The following ARHGEF33 variants were observed in gnomAD, a reference collection of about 807,000 sequenced individuals.
ARHGEF33 encodes the protein Rho guanine nucleotide exchange factor 33.
ARHGEF33 carries 72 observed loss-of-function variants against 101.9 expected under a neutral mutation model. That is an observed-to-expected ratio of 0.71 (90% CI 0.58 to 0.86). The LOEUF is 0.86. Ranked by LOEUF, ARHGEF33 falls within the 40% of genes least tolerant of loss-of-function variation. The pLI, the probability that ARHGEF33 is intolerant of heterozygous loss-of-function variation, is 0.00. For missense variants in ARHGEF33, 1,169 were observed against 1,111.3 expected, an observed-to-expected ratio of 1.05 and a Z score of -0.74; for synonymous variants, 499 against 442.5, an observed-to-expected ratio of 1.13 and a Z score of -1.60.
chr2:38,952,493 G>A (rs1257034804), intron 11 of ARHGEF33, among the ~76,000 whole-genome samples: 3 of 152,124 alleles, frequency 2.0e-5, no homozygotes, highest in Admixed American at 2.0e-4. Context: ...TCATCTGGAC[G>A]TACATGATTG....
intron 2 of ARHGEF33, among the ~76,000 whole-genome samples, chr2:38,908,079 G>A (rs146838352): frequency 6.0e-4 from 91 of 151,892 alleles, no homozygotes; most frequent in African/African-American, 1.9e-3. Flanking sequence ...TGCCCAGATT[G>A]GTCTTGAACT....
At chr2:38,938,074 A>T (rs867059961) in intron 9 of ARHGEF33, among the ~76,000 whole-genome samples, 31 of 152,168 alleles carry the variant, frequency 2.0e-4, no homozygotes, top group African/African-American at 7.0e-4. Flanking sequence ...AGTCAAATAC[A>T]TGAAAAAAAG....
chr2:38,916,855 C>T (rs1211304465), intron 2 of ARHGEF33, among the ~76,000 whole-genome samples: 1 of 148,732 alleles, frequency 6.7e-6, no homozygotes, highest in Non-Finnish European at 1.5e-5. Context: ...GGCAGGAGTA[C>T]AATGGCACGA....
chr2:38,925,222 C>T (rs1253882038), intron 4 of ARHGEF33, among the ~76,000 whole-genome samples: 4 of 152,028 alleles, frequency 2.6e-5, no homozygotes, highest in Admixed American at 6.6e-5. Context: ...TTCTATTTGG[C>T]GATTCTCTTT....
chr2:38,962,766 G>A (rs1432782419), intron 16 of ARHGEF33, among the ~76,000 whole-genome samples: 6 of 141,298 alleles, frequency 4.2e-5, no homozygotes, highest in South Asian at 2.2e-4. Context: ...CGTAATCCTA[G>A]CACTTTGGGA....
At chr2:38,971,330 T>C (rs1009478285) in intron 17 of ARHGEF33, among the ~76,000 whole-genome samples, 2 of 152,202 alleles carry the variant, frequency 1.3e-5, no homozygotes, top group African/African-American at 2.4e-5. Flanking sequence ...AATACTTGGA[T>C]GGTTATGTGT....
At chr2:38,925,835 C>A in intron 4 of ARHGEF33, among the ~76,000 whole-genome samples, 1 of 152,048 alleles carries the variant, frequency 6.6e-6, no homozygotes, top group East Asian at 1.9e-4. Flanking sequence ...CAGGTCCAGT[C>A]CCCCTAATTT....
intron 4 of ARHGEF33, among the ~76,000 whole-genome samples, chr2:38,925,949 C>A (rs947201652): frequency 1.3e-5 from 2 of 151,388 alleles, no homozygotes; most frequent in Non-Finnish European, 2.9e-5. Flanking sequence ...CCTGAGGGAT[C>A]TTTCATGAAA....
intron 17 of ARHGEF33, among the ~76,000 whole-genome samples, chr2:38,970,597 A>G (rs867426152): frequency 6.6e-6 from 1 of 152,368 alleles, no homozygotes; most frequent in South Asian, 2.1e-4. Context: ...TTTGAAATCA[A>G]CCATTCAATT....
At chr2:38,899,349 G>C (rs760948860) in intron 2 of ARHGEF33, among the ~76,000 whole-genome samples, 2 of 152,084 alleles carry the variant, frequency 1.3e-5, no homozygotes, top group African/African-American at 2.4e-5. Context: ...CTAGTATAAA[G>C]AGTAAAATTG....
At chr2:38,918,485 C>T (rs893363579) in intron 2 of ARHGEF33, among the ~76,000 whole-genome samples, 4 of 152,064 alleles carry the variant, frequency 2.6e-5, no homozygotes, top group Admixed American at 2.6e-4. Context: ...ATTCTTCAAA[C>T]TTAAGAAGGG....
At chr2:38,954,633 C>CTT (rs10706405) in intron 13 of ARHGEF33, among the ~76,000 whole-genome samples, 177 bp downstream of exon 13, 1 of 101,124 alleles carries the variant, frequency 9.9e-6, no homozygotes, top group Non-Finnish European at 2.1e-5. Flanking sequence ...GAGCTAAAAC[C>CTT]TTTTTTTTTT....
At chr2:38,956,810 C>A in intron 13 of ARHGEF33, 89 bp from the exon 14 acceptor site, 1 of 1,428,210 alleles carries the variant, frequency 7.0e-7, no homozygotes, top group Non-Finnish European at 9.6e-7. Flanking sequence ...CTATGAATCT[C>A]CCACAATAGA....
At chr2:38,954,120 A>C (rs964383127) in intron 12 of ARHGEF33, among the ~76,000 whole-genome samples, 1 of 152,240 alleles carries the variant, frequency 6.6e-6, no homozygotes, top group African/African-American at 2.4e-5. Context: ...GCTGAGTGGA[A>C]GGAGAGGGTA....
intron 14 of ARHGEF33, among the ~76,000 whole-genome samples, chr2:38,957,592 T>C (rs532008887): frequency 5.9e-5 from 9 of 152,314 alleles, no homozygotes; most frequent in African/African-American, 2.2e-4. Flanking sequence ...ATAGGTTTTA[T>C]ATTAGGGAGA....
intron 2 of ARHGEF33, among the ~76,000 whole-genome samples, chr2:38,907,115 GGTAGGAAT>G (rs1006210652): frequency 4.6e-5 from 7 of 152,162 alleles, no homozygotes; most frequent in African/African-American, 1.7e-4. Context: ...GAGATCCCCA[GGTAGGAAT>G]GCCTAAGGCC....
chr2:38,892,420 G>T (rs377317452), intron 1 of ARHGEF33, among the ~76,000 whole-genome samples: 6 of 95,486 alleles, frequency 6.3e-5, no homozygotes, highest in Non-Finnish European at 1.6e-4. Context: ...TGGGTAAACA[G>T]ATAACTGGGG....
intron 2 of ARHGEF33, among the ~76,000 whole-genome samples, chr2:38,918,921 C>T (rs1666695911): frequency 6.6e-6 from 1 of 151,828 alleles, no homozygotes; most frequent in African/African-American, 2.4e-5. Context: ...TGGCATAAGC[C>T]TGTGGTCCCA....
chr2:38,901,840 G>C (rs1159574124), intron 2 of ARHGEF33, among the ~76,000 whole-genome samples: 4 of 152,192 alleles, frequency 2.6e-5, no homozygotes, highest in South Asian at 4.1e-4. Flanking sequence ...ATGAGGCCGG[G>C]CACGGTGGCT....
Sources: allele counts gnomAD v4.1 joint callset (sites outside exome capture counted in the v4.1 genomes callset), GRCh38; gene constraint gnomAD v4.1.1; transcripts MANE v1.5; gene names NCBI Gene and HGNC (gene_info 2026-07-23, HGNC 2026-07-21).